Variants in GALNT18 observed in about 807,000 individuals in gnomAD.
GALNT18 encodes polypeptide N-acetylgalactosaminyltransferase 18.
GALNT18 carries 44 observed loss-of-function variants against 69.5 expected under a neutral mutation model. The observed-to-expected ratio is 0.63, with a 90% CI of 0.50 to 0.81. The LOEUF (loss-of-function observed/expected upper bound fraction) is 0.81, where lower values mean the gene tolerates loss of function less well. Among genes scored for constraint, GALNT18 ranks in the 40% least tolerant of loss-of-function variants. GALNT18 has a pLI of 0.00. For missense variants in GALNT18, 715 were observed against 810.0 expected, an observed-to-expected ratio of 0.88 and a Z score of 1.42; for synonymous variants, 364 against 318.2, an observed-to-expected ratio of 1.14 and a Z score of -1.53.
At chr11:11,512,900 GT>G (rs1857192240) in intron 1 of GALNT18, among the ~76,000 whole-genome samples, 3 of 152,166 alleles carry the variant, frequency 2.0e-5, no homozygotes, top group African/African-American at 7.2e-5. Flanking sequence ...CAGGTGGCCC[GT>G]GTGTGTGATC....
chr11:11,482,905 C>T (rs191856693), intron 1 of GALNT18, among the ~76,000 whole-genome samples: 25 of 152,312 alleles, frequency 1.6e-4, no homozygotes, highest in East Asian at 3.9e-4. Context: ...GCATGGGCAT[C>T]GCTGAGGAGC....
intron 3 of GALNT18, among the ~76,000 whole-genome samples, chr11:11,431,259 G>A (rs4525233): frequency 0.032 from 4,874 of 152,208 alleles, 114 homozygotes; most frequent in Middle Eastern, 0.099. Context: ...AATGTAAGAC[G>A]TGAGGAGGAT....
Position 11,377,492 on chromosome 11 carries a change from T to A in GALNT18, c.780-113A>T, listed in dbSNP as rs538952652. On this transcript the variant is annotated intron_variant, in intron 4 of 10. Coordinates refer to ENST00000227756, the MANE Select transcript of GALNT18 (RefSeq NM_198516.3). The surrounding 1 kb of genome is among the most constrained non-coding windows in gnomAD (Gnocchi z 4.6). ...AGAAAGAGGAAGGAAGGCCTGCCCA[T>A]CTCCTCTGATGGAGAGGTGCACTGC... is the stretch of plus-strand genomic sequence containing the variant. 624 of 870,146 alleles carry A rather than the reference T, an allele frequency of 7.2e-4. 1 individual carries two copies. The highest frequency in any genetic ancestry group is 2.6e-4 in the Non-Finnish European group (139 of 544,456). 53.9% of individuals were successfully genotyped at this position (870,146 alleles called of 1,614,324 possible).
At chr11:11,273,403 A>T (rs1455841723) in intron 10 of GALNT18, among the ~76,000 whole-genome samples, 3 of 152,242 alleles carry the variant, frequency 2.0e-5, no homozygotes, top group African/African-American at 7.2e-5. Flanking sequence ...CTGAACAGAC[A>T]TTCCACAAAA....
intron 3 of GALNT18, among the ~76,000 whole-genome samples, chr11:11,384,094 G>T (rs148146637): frequency 1.7e-4 from 26 of 152,084 alleles, no homozygotes; most frequent in Admixed American, 2.6e-4. Context: ...CCTCAACAAG[G>T]TACTAATCTA....
At position 11,598,317 on chromosome 11, in the gene GALNT18, T is replaced by C. The variant is rs1859551060; in HGVS notation, c.235+23042A>G. 6.6e-6 allele frequency among the ~76,000 whole-genome samples: 1 copy of C among 152,174 alleles called. No individual in the cohort carries two copies. Among genetic ancestry groups the C allele is most frequent in the South Asian group, 2.1e-4 (1 of 4,820 alleles). ...CTCTAACAATTCTGGAGGCCAGAAG[T>C]CCAAAATTAGTCTTACTCGAGGCAA... On this transcript the variant is annotated intron_variant, in intron 1 of 10. Transcript: ENST00000227756. This position sits in a 1 kb window ranked among gnomAD's most constrained non-coding sequence, Gnocchi z 4.8.
At chr11:11,363,898 G>C (rs1850697424) in intron 6 of GALNT18, among the ~76,000 whole-genome samples, 1 of 150,970 alleles carries the variant, frequency 6.6e-6, no homozygotes, top group Non-Finnish European at 1.5e-5. Context: ...CCATTAAAGA[G>C]TCAAAAGGAC....
chr11:11,278,636 A>C (rs769637510), intron 10 of GALNT18, among the ~76,000 whole-genome samples: 2 of 152,120 alleles, frequency 1.3e-5, no homozygotes. Context: ...TTACTCACAT[A>C]TGGGAGTTAA....
intron 6 of GALNT18, among the ~76,000 whole-genome samples, chr11:11,351,319 T>G (rs1242585171): frequency 6.6e-6 from 1 of 151,736 alleles, no homozygotes; most frequent in Non-Finnish European, 1.5e-5. Context: ...CTAGCCAGGG[T>G]GGTAGAGGAA....
rs555873261 is a variant in GALNT18, at chr11:11,330,187, G to A, written c.1416+2507C>T. Among the ~76,000 whole-genome samples, 3 of 152,256 alleles carry A rather than the reference G, an allele frequency of 2.0e-5. No homozygotes were observed. The South Asian group carries it at 6.2e-4, about 32-fold the overall frequency. Reference sequence around the variant, plus strand: ...GACCTATTAGTGGATTAATGGGCTGGGCTATAGACTTGATACTGGCTCGAC... The same window carrying A: ...GACCTATTAGTGGATTAATGGGCTGAGCTATAGACTTGATACTGGCTCGAC... On this transcript the variant is annotated intron_variant, in intron 8 of 10. Transcript: ENST00000227756.
chr11:11,566,881 A>G (rs1407294986), intron 1 of GALNT18, among the ~76,000 whole-genome samples: 1 of 152,226 alleles, frequency 6.6e-6, no homozygotes, highest in Non-Finnish European at 1.5e-5. Context: ...AGTGGATGTG[A>G]GTACATTTTG....
At chr11:11,486,102 C>T (rs1349752326) in intron 1 of GALNT18, among the ~76,000 whole-genome samples, 1 of 152,184 alleles carries the variant, frequency 6.6e-6, no homozygotes, top group African/African-American at 2.4e-5. Flanking sequence ...AAGGACTCAG[C>T]ATGCTGGAAG....
At chr11:11,349,817 C>T (rs1026780435) in intron 6 of GALNT18, among the ~76,000 whole-genome samples, 2 of 152,190 alleles carry the variant, frequency 1.3e-5, no homozygotes, top group East Asian at 1.9e-4. Context: ...AAAAATCTGA[C>T]AATGCTTATT....
chr11:11,300,894 C>T (rs1228853146), intron 9 of GALNT18, among the ~76,000 whole-genome samples: 2 of 152,140 alleles, frequency 1.3e-5, no homozygotes, highest in African/African-American at 4.8e-5. Flanking sequence ...GGTTGAAAAC[C>T]AGCTGGGTTA....
rs12797224 is a variant in GALNT18, at chr11:11,274,655, C to T, written c.1678-3365G>A. 4.5e-4 allele frequency among the ~76,000 whole-genome samples: 68 copies of T among 152,182 alleles called. 1 individual carries two copies. Among genetic ancestry groups the T allele is most frequent in the African/African-American group, 1.5e-3 (62 of 41,530 alleles). On this transcript the variant is annotated intron_variant, in intron 10 of 10. Transcript: ENST00000227756. ...CATGGTGGTTTGCTGCACCCATCAA[C>T]CTGTCACCTACATTAGGTATTTCTC... is the stretch of plus-strand genomic sequence containing the variant.
At chr11:11,451,218 G>A (rs1855789520) in intron 1 of GALNT18, among the ~76,000 whole-genome samples, 1 of 152,166 alleles carries the variant, frequency 6.6e-6, no homozygotes, top group African/African-American at 2.4e-5. Context: ...GCATGATCTT[G>A]AAGGTCCTTG....
At chr11:11,493,045 A>C (rs1321669313) in intron 1 of GALNT18, among the ~76,000 whole-genome samples, 2 of 151,982 alleles carry the variant, frequency 1.3e-5, no homozygotes, top group African/African-American at 4.8e-5. Flanking sequence ...GGCAGATCAC[A>C]AGGTCAGGAG....
intron 1 of GALNT18, among the ~76,000 whole-genome samples, chr11:11,453,616 G>A (rs1855855566): frequency 6.6e-6 from 1 of 152,202 alleles, no homozygotes; most frequent in African/African-American, 2.4e-5. Context: ...TGTGTTGTGG[G>A]AGGGACCCGG....
In GALNT18 at chr11:11,562,156, CTCACAGTTCTGGGAGCTAGACG is replaced by C. The variant is rs1328370039; in HGVS notation, c.235+59181_235+59202del. Among the ~76,000 whole-genome samples, 1 of 152,250 alleles carries C rather than the reference CTCACAGTTCTGGGAGCTAGACG, an allele frequency of 6.6e-6. No individual in the cohort carries two copies. The highest frequency in any genetic ancestry group is 2.4e-5 in the African/African-American group (1 of 41,458). ...GCCTTCAACAACAGATATTCATTCT[CTCACAGTTCTGGGAGCTAGACG>C]TCCGCAATCAAGGTGCCAGCAAGAT... On this transcript the variant is annotated intron_variant, in intron 1 of 10. Coordinates refer to ENST00000227756, the MANE Select transcript of GALNT18 (RefSeq NM_198516.3). The surrounding 1 kb of genome is among the most constrained non-coding windows in gnomAD (Gnocchi z 4.1).
Sources: allele counts gnomAD v4.1 joint callset (sites outside exome capture counted in the v4.1 genomes callset), GRCh38; gene constraint gnomAD v4.1.1; non-coding constraint Gnocchi (gnomAD v3.1); transcripts MANE v1.5; gene names NCBI Gene and HGNC (gene_info 2026-07-23, HGNC 2026-07-21).